PPCDC: variants seen among roughly 807,000 people sequenced by gnomAD.
The protein encoded by PPCDC is phosphopantothenoylcysteine decarboxylase.
A neutral mutation model predicts 20.7 loss-of-function variants in PPCDC; 20 were observed. The observed-to-expected ratio is 0.97, with a 90% CI of 0.68 to 1.41. The LOEUF is 1.41. PPCDC is among the 40% of genes most tolerant of loss of function. The pLI is 0.00. For missense variants in PPCDC, 246 were observed against 263.8 expected (o/e 0.93, Z 0.47); for synonymous variants, 88 against 100.3 (o/e 0.88, Z 0.73).
At chr15:75,036,025 G>T (rs1254663814) in intron 2 of PPCDC, among the ~76,000 whole-genome samples, 2 of 150,930 alleles carry the variant, frequency 1.3e-5, no homozygotes, top group Non-Finnish European at 2.9e-5. Context: ...AGGGGACTAA[G>T]CCGGGAGCTG....
chr15:75,023,996 GCC>G (rs1240253168), intron 1 of PPCDC, among the ~76,000 whole-genome samples: 1 of 152,208 alleles, frequency 6.6e-6, no homozygotes, highest in Non-Finnish European at 1.5e-5. Context: ...TACCCGGGCT[GCC>G]CAAAGTACAA....
chr15:75,041,795 C>A (rs1356814977), intron 2 of PPCDC, among the ~76,000 whole-genome samples: 1 of 152,224 alleles, frequency 6.6e-6, no homozygotes, highest in Non-Finnish European at 1.5e-5. Context: ...TCTGAGACTT[C>A]TACTCCTTGG....
Position 75,028,352 on chromosome 15 carries a change from C to G in PPCDC, c.34C>G (p.Pro12Ala), listed in dbSNP as rs1315318126. The G allele has an allele frequency of 1.9e-6, 3 of 1,614,206 alleles. No individual in the cohort carries two copies. The highest frequency in any genetic ancestry group is 2.5e-6 in the Non-Finnish European group (3 of 1,180,046). The change falls in exon 2 of 6, where the codon CCC (proline) becomes GCC (alanine). Residue 12 changes from proline to alanine, a missense_variant. Physicochemically the swap from Pro to Ala is conservative, Grantham distance 27. This residue lies in a region of PPCDC where 225 missense variants were observed against 222.6 expected (regional missense o/e 1.01). Transcript: ENST00000342932. ...EPKASCPAAA[P>A]LMERKFHVLV... ...AAAGGCCTCCTGTCCAGCTGCTGCA[C>G]CCTTGATGGAGAGAAAATTCCATGT...
intron 4 of PPCDC, among the ~76,000 whole-genome samples, chr15:75,047,825 T>C (rs1260347431): frequency 6.6e-6 from 1 of 152,224 alleles, no homozygotes; most frequent in Non-Finnish European, 1.5e-5. Context: ...CAGTCAGGAT[T>C]TGAACTCAGG....
intron 2 of PPCDC, among the ~76,000 whole-genome samples, chr15:75,028,823 T>C (rs1867151): frequency 0.85 from 128,653 of 152,130 alleles, 55,891 homozygotes; most frequent in Non-Finnish European, 0.95. Context: ...GGCTTCCCCA[T>C]CCCTGCTTTC....
At chr15:75,034,175 G>A (rs1175372323) in intron 2 of PPCDC, among the ~76,000 whole-genome samples, 1 of 152,186 alleles carries the variant, frequency 6.6e-6, no homozygotes, top group Non-Finnish European at 1.5e-5. Flanking sequence ...TCCAGGGAGT[G>A]AGTGAGTTAG....
chr15:75,047,177 C>T (rs2066247247), intron 4 of PPCDC, among the ~76,000 whole-genome samples: 1 of 152,160 alleles, frequency 6.6e-6, no homozygotes, highest in South Asian at 2.1e-4. Context: ...CCAGCCCAGC[C>T]CTTGCTCCTG....
chr15:75,029,285 C>T (rs1366071692), intron 2 of PPCDC, among the ~76,000 whole-genome samples: 4 of 152,112 alleles, frequency 2.6e-5, no homozygotes, highest in African/African-American at 4.8e-5. Context: ...TGGTTTTGGC[C>T]CCTTCTTTTA....
chr15:75,024,875 T>A (rs1416168557), intron 1 of PPCDC, among the ~76,000 whole-genome samples: 5 of 151,544 alleles, frequency 3.3e-5, no homozygotes, highest in Admixed American at 1.3e-4. Flanking sequence ...TTATAAAACC[T>A]GATACAGTGT....
In PPCDC at chr15:75,050,709, A is replaced by G. The variant is rs2066304856; in HGVS notation, c.*1474A>G. On this transcript the variant is annotated 3_prime_UTR_variant, in exon 6 of 6. Transcript: ENST00000342932. ...AAAATTGCCTTAGGGTATGAAATAAACTATAACTAAAATGGTAGCATCAAG... is the reference window on the plus strand; with the variant it reads ...AAAATTGCCTTAGGGTATGAAATAAGCTATAACTAAAATGGTAGCATCAAG... 6.6e-6 allele frequency: 1 copy of G among 152,220 alleles called. No individual in the cohort carries two copies. Among genetic ancestry groups the G allele is most frequent in the African/African-American group, 2.4e-5 (1 of 41,438 alleles). The allele number at this position is 152,220 out of a possible 1,614,324, so 9.4% of individuals were successfully genotyped here. A position where few individuals can be genotyped will look rare whatever the true frequency, so the allele number is the denominator to read the frequency against.
intron 3 of PPCDC, among the ~76,000 whole-genome samples, 177 bp from the exon 4 acceptor site, chr15:75,044,209 C>T (rs1315339641): frequency 1.3e-5 from 2 of 152,160 alleles, no homozygotes; most frequent in Admixed American, 1.3e-4. Flanking sequence ...AGGCCTGGTT[C>T]TCTCGGCTGC....
rs560894435 is a variant in PPCDC at position 75,043,851 on chromosome 15, C to A, written c.231+315C>A. ...CCACCCTTGTCCACGTGGTTCCTGG[C>A]GTCAGGGCTGAAGAGAACGCCTCAC... On this transcript the variant is annotated intron_variant, in intron 3 of 5. Coordinates refer to ENST00000342932, the MANE Select transcript of PPCDC (RefSeq NM_021823.5). 31 of 349,778 alleles carry A rather than the reference C, an allele frequency of 8.9e-5. 1 individual carries two copies. Among genetic ancestry groups the A allele is most frequent in the Middle Eastern group, 1.6e-3 (2 of 1,250 alleles). 21.7% of individuals were successfully genotyped at this position (349,778 alleles called of 1,614,324 possible). A position where few individuals can be genotyped will look rare whatever the true frequency, so the allele number is the denominator to read the frequency against.
In PPCDC at chr15:75,028,448, C is replaced by T. The variant is rs147547634; in HGVS notation, c.130C>T (p.Pro44Ser). 1.4e-4 allele frequency: 223 copies of T among 1,614,082 alleles called. 1 individual carries two copies. Among genetic ancestry groups the T allele is most frequent in the Non-Finnish European group, 1.8e-4 (214 of 1,180,058 alleles). Residue 44 changes from proline (P) to serine (S), a missense_variant, in exon 2 of 6, where the codon CCT becomes TCT. Physicochemically the swap from Pro to Ser is moderately conservative, Grantham distance 74. This residue lies in a region of PPCDC where 225 missense variants were observed against 222.6 expected (regional missense o/e 1.01). Transcript: ENST00000342932. ...PLLVSKLLDI[P>S]GLEVAVVTTE... ...TCTGGTGTCAAAGCTTTTGGACATT[C>T]CTGGGGTGAGTATCCTCACCAGATA...
intron 4 of PPCDC, among the ~76,000 whole-genome samples, chr15:75,046,090 T>G (rs1173242012): frequency 1.3e-5 from 2 of 150,426 alleles, no homozygotes; most frequent in Admixed American, 6.6e-5. Flanking sequence ...GGTGCATGCC[T>G]GTGGTCCCCA....
At chr15:75,044,945 T>C (rs1293618259) in intron 4 of PPCDC, 2 of 187,422 alleles carry the variant, frequency 1.1e-5, no homozygotes, top group Admixed American at 5.4e-5. Context: ...CACTTCTTCA[T>C]AGATGGCTCA....
At chr15:75,031,217 C>G (rs2066017122) in intron 2 of PPCDC, among the ~76,000 whole-genome samples, 1 of 152,136 alleles carries the variant, frequency 6.6e-6, no homozygotes, top group Non-Finnish European at 1.5e-5. Context: ...CCAAAGGCAG[C>G]CTGAGAGAAG....
chr15:75,043,089 G>A lies in PPCDC; in HGVS notation c.136-352G>A, dbSNP rs546079434. The stretch of plus-strand genomic sequence containing the variant: ...CCCTCCTGCCTGCTGTGGCCTCTGC[G>A]GCCCTGGCCTTGACTTCCTTTCCTG... On this transcript the variant is annotated intron_variant, in intron 2 of 5. Coordinates refer to ENST00000342932, the MANE Select transcript of PPCDC (RefSeq NM_021823.5). Among the ~76,000 whole-genome samples the A allele has an allele frequency of 1.9e-3, 295 of 152,366 alleles. 2 individuals carry two copies. The highest frequency in any genetic ancestry group is 1.7e-3 in the Non-Finnish European group (115 of 68,034).
chr15:75,040,418 TC>T (rs1254441737), intron 2 of PPCDC, among the ~76,000 whole-genome samples: 1 of 152,214 alleles, frequency 6.6e-6, no homozygotes, highest in Non-Finnish European at 1.5e-5. Context: ...TTAATGGGCT[TC>T]TGGGAGGGAG....
At chr15:75,029,088 CAG>C (rs1365735152) in intron 2 of PPCDC, among the ~76,000 whole-genome samples, 1 of 152,146 alleles carries the variant, frequency 6.6e-6, no homozygotes, top group Non-Finnish European at 1.5e-5. Context: ...AGGCTTTAAA[CAG>C]CGTGAAATCT....
Sources: allele counts gnomAD v4.1 joint callset (sites outside exome capture counted in the v4.1 genomes callset), GRCh38; gene constraint gnomAD v4.1.1; regional missense constraint gnomAD v4.1.1; transcripts MANE v1.5; gene names NCBI Gene and HGNC (gene_info 2026-07-23, HGNC 2026-07-21).